EFCAB11: variants seen among roughly 807,000 people sequenced by gnomAD.
EFCAB11 encodes the protein EF-hand calcium-binding domain-containing protein 11.
Under a neutral mutation model 23.0 loss-of-function variants are expected in EFCAB11, and 14 were observed. The ratio of observed to expected loss-of-function variants is 0.61; its 90% CI spans 0.40 to 0.95. The LOEUF (loss-of-function observed/expected upper bound fraction) is 0.95, where lower values mean the gene tolerates loss of function less well. Among genes scored for constraint, EFCAB11 ranks in the 40% least tolerant of loss-of-function variants. The pLI, the probability that EFCAB11 is intolerant of heterozygous loss-of-function variation, is 0.00. For missense variants in EFCAB11, 198 were observed against 195.8 expected (o/e 1.01, Z -0.07); for synonymous variants, 65 against 66.6 (o/e 0.98, Z 0.11).
At chr14:89,881,302 G>A (rs1049098225) in intron 5 of EFCAB11, among the ~76,000 whole-genome samples, 1 of 150,494 alleles carries the variant, frequency 6.6e-6, no homozygotes, top group African/African-American at 2.4e-5. Flanking sequence ...AGAAGTAAAA[G>A]GCTGAATAAC....
At chr14:89,878,044 T>A (rs1367121061) in intron 5 of EFCAB11, among the ~76,000 whole-genome samples, 1 of 152,194 alleles carries the variant, frequency 6.6e-6, no homozygotes, top group Non-Finnish European at 1.5e-5. Flanking sequence ...CTTCCAACGC[T>A]ACAGAACGTT....
At chr14:89,832,300 G>A (rs1257763998) in intron 5 of EFCAB11, among the ~76,000 whole-genome samples, 1 of 152,136 alleles carries the variant, frequency 6.6e-6, no homozygotes, top group Non-Finnish European at 1.5e-5. Context: ...CAGCATGGGT[G>A]ACAGAGCGAG....
chr14:89,796,983 G>C lies in EFCAB11; in HGVS notation c.*260C>G, dbSNP rs536719448. ...GCAGCAACCATCTCTAGGATTCTGA[G>C]ATGCAAGTCTATCATCAGCATCCAA... is the stretch of plus-strand genomic sequence containing the variant. On this transcript the variant is annotated 3_prime_UTR_variant, in exon 6 of 6. Transcript: ENST00000316738. 12 of 220,670 alleles carry C rather than the reference G, an allele frequency of 5.4e-5. No individual in the cohort carries two copies. The highest frequency in any genetic ancestry group is 5.2e-4 in the South Asian group (6 of 11,494). 13.7% of individuals were successfully genotyped at this position (220,670 alleles called of 1,614,324 possible).
chr14:89,797,467 G>A lies in EFCAB11; in HGVS notation c.411-143C>T, dbSNP rs1295157794. Reference sequence around the variant, plus strand: ...TACTTGAAGGCTGAGATTGATGCCTGTTTTTTCATTGATAATAAAGGTTTG... The same window carrying A: ...TACTTGAAGGCTGAGATTGATGCCTATTTTTTCATTGATAATAAAGGTTTG... On this transcript the variant is annotated intron_variant, in intron 5 of 5. Coordinates refer to ENST00000316738, the MANE Select transcript of EFCAB11 (RefSeq NM_145231.4). 31 of 540,210 alleles carry A rather than the reference G, an allele frequency of 5.7e-5. No individual in the cohort carries two copies. In the Admixed American group the frequency reaches 9.8e-4, roughly 17 times the overall value. 33.5% of individuals were successfully genotyped at this position (540,210 alleles called of 1,614,324 possible).
intron 2 of EFCAB11, among the ~76,000 whole-genome samples, 156 bp from the exon 3 acceptor site, chr14:89,950,298 C>T (rs1159169520): frequency 6.6e-6 from 1 of 152,154 alleles, no homozygotes; most frequent in African/African-American, 2.4e-5. Flanking sequence ...CTATAATAGT[C>T]ATTTTATTTT....
chr14:89,827,073 T>C lies in EFCAB11; in HGVS notation c.411-29749A>G, dbSNP rs147690747. 1.6e-3 allele frequency among the ~76,000 whole-genome samples: 238 copies of C among 152,108 alleles called. 1 individual carries two copies. Among genetic ancestry groups the C allele is most frequent in the Middle Eastern group, 3.4e-3 (1 of 294 alleles). On this transcript the variant is annotated intron_variant, in intron 5 of 5. Coordinates refer to ENST00000316738, the MANE Select transcript of EFCAB11 (RefSeq NM_145231.4). ...TTATTTTAAAAGAGAGAATTTAATA[T>C]AAAAGAAATAGGTTAGACAGGTATT... is the stretch of plus-strand genomic sequence containing the variant.
intron 1 of EFCAB11, chr14:89,954,372 G>A (rs919846624): frequency 1.9e-5 from 29 of 1,535,722 alleles, no homozygotes; most frequent in Non-Finnish European, 2.4e-5. Context: ...AGACTATATA[G>A]AGAGAAAGGA....
intron 5 of EFCAB11, among the ~76,000 whole-genome samples, chr14:89,841,303 C>G (rs1208471068): frequency 6.6e-6 from 1 of 152,028 alleles, no homozygotes; most frequent in African/African-American, 2.4e-5. Flanking sequence ...AACAATTTCC[C>G]CTTCTCTCTT....
At chr14:89,871,579 TG>T (rs1248435457) in intron 5 of EFCAB11, among the ~76,000 whole-genome samples, 1 of 152,164 alleles carries the variant, frequency 6.6e-6, no homozygotes, top group Non-Finnish European at 1.5e-5. Flanking sequence ...ATCTTTACAG[TG>T]ATGCCCCTAC....
intron 5 of EFCAB11, among the ~76,000 whole-genome samples, chr14:89,906,663 G>C (rs1172705409): frequency 6.6e-6 from 1 of 152,050 alleles, no homozygotes; most frequent in Non-Finnish European, 1.5e-5. Flanking sequence ...TGAGATGAAA[G>C]ATTTTGTTTT....
At position 89,874,693 on chromosome 14, in the gene EFCAB11, C is replaced by T. The variant is rs200926200; in HGVS notation, c.410+56848G>A. 2.2e-4 allele frequency among the ~76,000 whole-genome samples: 33 copies of T among 152,094 alleles called. No homozygotes were observed. In the East Asian group the frequency reaches 2.7e-3, roughly 13 times the overall value. ...TGGGTGGATCAAGAGGTCAGGAGAT[C>T]GAGACTATCCTGGCTAACATGGTGA... On this transcript the variant is annotated intron_variant, in intron 5 of 5. Transcript: ENST00000316738.
chr14:89,854,122 T>C (rs1366274405), intron 5 of EFCAB11, among the ~76,000 whole-genome samples: 1 of 151,370 alleles, frequency 6.6e-6, no homozygotes, highest in South Asian at 2.1e-4. Context: ...AACACCCATA[T>C]GGAAAAAGCC....
intron 5 of EFCAB11, among the ~76,000 whole-genome samples, chr14:89,904,045 G>T (rs1406030694): frequency 6.6e-6 from 1 of 151,972 alleles, no homozygotes; most frequent in East Asian, 1.9e-4. Flanking sequence ...TGTTACATAG[G>T]TATACATGTG....
At chr14:89,941,206 A>C (rs1890779673) in intron 3 of EFCAB11, among the ~76,000 whole-genome samples, 1 of 152,234 alleles carries the variant, frequency 6.6e-6, no homozygotes, top group Admixed American at 6.5e-5. Flanking sequence ...CCCTGACTGC[A>C]GCTGTGCTTG....
intron 3 of EFCAB11, 151 bp from the exon 4 acceptor site, chr14:89,932,778 C>T (rs1057310278): frequency 2.4e-5 from 16 of 656,352 alleles, no homozygotes; most frequent in African/African-American, 2.2e-4. Context: ...TGTGAAGTTT[C>T]CTGAAGACCG....
At chr14:89,881,968 A>G (rs936598316) in intron 5 of EFCAB11, among the ~76,000 whole-genome samples, 5 of 152,364 alleles carry the variant, frequency 3.3e-5, no homozygotes, top group African/African-American at 7.2e-5. Context: ...TAGTATTACT[A>G]TAATCAATTA....
rs549422894 is a variant in EFCAB11, at chr14:89,906,135, T to C, written c.410+25406A>G. Among the ~76,000 whole-genome samples the C allele has an allele frequency of 4.6e-5, 7 of 151,390 alleles. No homozygotes were observed. The East Asian group carries it at 1.4e-3, about 29-fold the overall frequency. On this transcript the variant is annotated intron_variant, in intron 5 of 5. Transcript: ENST00000316738. Reference sequence around the variant, plus strand: ...TCATAAGGTTATCATGAGGATTACATGAAATACTGACAATGCCTGGCACTC... The same window carrying C: ...TCATAAGGTTATCATGAGGATTACACGAAATACTGACAATGCCTGGCACTC...
chr14:89,809,112 G>C (rs889690181), intron 5 of EFCAB11, among the ~76,000 whole-genome samples: 15 of 152,148 alleles, frequency 9.9e-5, no homozygotes, highest in Admixed American at 8.5e-4. Context: ...CTCATTCCCC[G>C]ACCCTGTCCA....
intron 5 of EFCAB11, among the ~76,000 whole-genome samples, chr14:89,912,388 G>A (rs1889707909): frequency 6.9e-6 from 1 of 144,222 alleles, no homozygotes; most frequent in South Asian, 2.1e-4. Context: ...TAGCTCAGGG[G>A]CTTTTTTTTT....
Sources: allele counts gnomAD v4.1 joint callset (sites outside exome capture counted in the v4.1 genomes callset), GRCh38; gene constraint gnomAD v4.1.1; transcripts MANE v1.5; gene names NCBI Gene and HGNC (gene_info 2026-07-23, HGNC 2026-07-21).